Variants in HDAC9 observed in about 807,000 individuals in gnomAD.
The protein encoded by HDAC9 is MEF-2 interacting transcription repressor (MITR) protein.
A neutral mutation model predicts 139.4 loss-of-function variants in HDAC9; 41 were observed. That is an observed-to-expected ratio of 0.29 (90% CI 0.23 to 0.38). The LOEUF (loss-of-function observed/expected upper bound fraction) is 0.38. Among genes scored for constraint, HDAC9 ranks in the 10% least tolerant of loss-of-function variants. The pLI, the probability that HDAC9 is intolerant of heterozygous loss-of-function variation, is 1.00. For missense variants in HDAC9, 1,147 were observed against 1,297.0 expected (o/e 0.88, Z 1.78); for synonymous variants, 517 against 476.2 (o/e 1.09, Z -1.12).
At chr7:18,117,922 C>A (rs1040302881) in intron 1 of HDAC9, among the ~76,000 whole-genome samples, 2 of 152,110 alleles carry the variant, frequency 1.3e-5, no homozygotes, top group Non-Finnish European at 2.9e-5. Flanking sequence ...TCCTGTAGTT[C>A]CACATCTTTC....
chr7:18,459,006 C>A, intron 1 of HDAC9: 1 of 835,384 alleles, frequency 1.2e-6, no homozygotes, highest in Non-Finnish European at 1.9e-6. Flanking sequence ...CGGTCAGCAA[C>A]AACTTGGCCA....
intron 1 of HDAC9, among the ~76,000 whole-genome samples, chr7:18,319,448 C>G (rs186118842): frequency 3.3e-5 from 5 of 152,094 alleles, no homozygotes; most frequent in South Asian, 2.1e-4. Flanking sequence ...AAAATCAGAT[C>G]AAATATTTGG....
intron 11 of HDAC9, among the ~76,000 whole-genome samples, chr7:18,660,873 T>C (rs776418834): frequency 6.6e-6 from 1 of 152,120 alleles, no homozygotes; most frequent in African/African-American, 2.4e-5. Context: ...AAGTTGGTGG[T>C]GCCAGGTTGT....
chr7:18,771,089 A>G (rs1414662745), intron 16 of HDAC9, among the ~76,000 whole-genome samples: 3 of 152,076 alleles, frequency 2.0e-5, no homozygotes, highest in Non-Finnish European at 4.4e-5. Context: ...AGGGAGAACA[A>G]TCCCCTAAGA....
chr7:18,382,117 G>T (rs150506787), intron 1 of HDAC9, among the ~76,000 whole-genome samples: 1 of 151,856 alleles, frequency 6.6e-6, no homozygotes, highest in Non-Finnish European at 1.5e-5. Context: ...GAAAACCTAC[G>T]TGGTATTTTT....
intron 2 of HDAC9, among the ~76,000 whole-genome samples, chr7:18,551,704 G>A (rs967062186): frequency 2.0e-5 from 3 of 151,794 alleles, no homozygotes; most frequent in African/African-American, 7.3e-5. Flanking sequence ...TTTTTTGTTT[G>A]AAATTTAGCC....
chr7:18,767,314 C>T (rs1168038378), intron 16 of HDAC9, among the ~76,000 whole-genome samples, 159 bp downstream of exon 16: 3 of 152,138 alleles, frequency 2.0e-5, no homozygotes, highest in African/African-American at 4.8e-5. Context: ...CAAGTAAAAA[C>T]GTGGCAGCCC....
At chr7:18,927,298 G>A (rs978328804) in intron 22 of HDAC9, among the ~76,000 whole-genome samples, 1 of 152,188 alleles carries the variant, frequency 6.6e-6, no homozygotes, top group Non-Finnish European at 1.5e-5. Flanking sequence ...TCTTAAAAAG[G>A]TATTTCTGTG....
chr7:18,236,823 G>A (rs1793852577), intron 2 of HDAC9, among the ~76,000 whole-genome samples: 1 of 152,118 alleles, frequency 6.6e-6, no homozygotes, highest in Admixed American at 6.5e-5. Flanking sequence ...CTTGGCCTTT[G>A]GCACCATGGA....
chr7:18,963,970 C>G (rs553906892), intron 24 of HDAC9, among the ~76,000 whole-genome samples: 1 of 152,220 alleles, frequency 6.6e-6, no homozygotes, highest in Non-Finnish European at 1.5e-5. Flanking sequence ...TTCAATCTAC[C>G]TTACCAACAA....
intron 2 of HDAC9, among the ~76,000 whole-genome samples, chr7:18,547,317 G>T (rs1433148542): frequency 2.0e-5 from 3 of 152,102 alleles, no homozygotes; most frequent in Middle Eastern, 3.2e-3. Flanking sequence ...CTCACTGCAA[G>T]CTCTGCCTCC....
At chr7:18,667,520 T>C (rs1483367005) in intron 12 of HDAC9, 1 of 984,708 alleles carries the variant, frequency 1.0e-6, no homozygotes, top group African/African-American at 1.7e-5. Flanking sequence ...AGGAGGACTA[T>C]GTCCTTTGAT....
intron 21 of HDAC9, among the ~76,000 whole-genome samples, chr7:18,842,813 C>A (rs1349066677): frequency 2.0e-5 from 3 of 152,044 alleles, no homozygotes; most frequent in East Asian, 1.9e-4. Flanking sequence ...CTTATGCACA[C>A]CTGTCTTCCT....
rs550458013 is a variant in HDAC9 at position 18,558,489 on chromosome 7, G to A, written c.23-26792G>A. Among the ~76,000 whole-genome samples the A allele has an allele frequency of 4.6e-5, 7 of 152,180 alleles. No homozygotes were observed. In the South Asian group the frequency reaches 1.5e-3, roughly 32 times the overall value. On this transcript the variant is annotated intron_variant, in intron 2 of 25. Coordinates refer to ENST00000686413, the MANE Select transcript of HDAC9 (RefSeq NM_178425.4). Reference sequence around the variant, plus strand: ...TGTATCCACCATACTCTACAGATGGGGAAACTCAGGTTGTGCTTAGCCTAA... The same window carrying A: ...TGTATCCACCATACTCTACAGATGGAGAAACTCAGGTTGTGCTTAGCCTAA...
In HDAC9 at chr7:18,199,210, ATTC is replaced by A. The variant is rs796098596; in HGVS notation, c.25+36866_25+36868del. ...ATCACACATAGACTTTTCAGATACA[ATTC>A]TTCTATCTCCAAAGTAATGCTAGAA... On this transcript the variant is annotated intron_variant, in intron 2 of 12. Transcript: ENST00000417496. 5.9e-5 allele frequency among the ~76,000 whole-genome samples: 9 copies of A among 152,310 alleles called. No individual in the cohort carries two copies. The South Asian group carries it at 1.9e-3, about 32-fold the overall frequency.
At chr7:18,245,907 A>G (rs1012952180) in intron 2 of HDAC9, among the ~76,000 whole-genome samples, 6 of 151,730 alleles carry the variant, frequency 4.0e-5, no homozygotes, top group Admixed American at 3.9e-4. Context: ...ATGTTTCCAG[A>G]AGTTAGTTAC....
rs867185745 is a variant in HDAC9, at chr7:18,524,936, T to C, written c.22+28612T>C. Reference sequence around the variant, plus strand: ...AAGTATATATATGGAAAAATATGTATACGCAAGGAAAATACTGCTGTTCTA... The same window carrying C: ...AAGTATATATATGGAAAAATATGTACACGCAAGGAAAATACTGCTGTTCTA... On this transcript the variant is annotated intron_variant, in intron 2 of 25. Coordinates refer to ENST00000686413, the MANE Select transcript of HDAC9 (RefSeq NM_178425.4). Among the ~76,000 whole-genome samples the C allele has an allele frequency of 5.3e-5, 8 of 151,922 alleles. No homozygotes were observed. In the Middle Eastern group the frequency reaches 0.01, roughly 194 times the overall value.
chr7:18,307,817 T>C (rs1181362137), intron 1 of HDAC9, among the ~76,000 whole-genome samples: 1 of 152,094 alleles, frequency 6.6e-6, no homozygotes, highest in Non-Finnish European at 1.5e-5. Flanking sequence ...TTTTTTTAAA[T>C]TGTAAAATTG....
At chr7:18,334,413 A>G (rs1426186229) in intron 1 of HDAC9, among the ~76,000 whole-genome samples, 3 of 151,514 alleles carry the variant, frequency 2.0e-5, no homozygotes, top group Admixed American at 1.3e-4. Context: ...ATAAAAAGCT[A>G]TTCCTGCAGG....
Sources: allele counts gnomAD v4.1 joint callset (sites outside exome capture counted in the v4.1 genomes callset), GRCh38; gene constraint gnomAD v4.1.1; transcripts MANE v1.5; gene names NCBI Gene and HGNC (gene_info 2026-07-23, HGNC 2026-07-21).